TRIO: variants seen among roughly 807,000 people sequenced by gnomAD.
The protein encoded by TRIO is trio Rho guanine nucleotide exchange factor, also known as triple functional domain protein.
In TRIO, 58 loss-of-function variants were observed where a neutral mutation model predicts 351.9. That is an observed-to-expected ratio of 0.16 (90% CI 0.13 to 0.21). The LOEUF (loss-of-function observed/expected upper bound fraction) is 0.21. TRIO is among the 10% of genes least tolerant of loss of function. The probability of loss-of-function intolerance (pLI) is 1.00; values close to 1 mark genes in which losing one functional copy is unlikely to be tolerated. For synonymous variants in TRIO, 1,758 were observed against 1,595.7 expected (o/e 1.10, Z -2.42); for missense variants, 3,201 against 4,027.8 (o/e 0.79, Z 5.56).
rs1554036850 is a variant in TRIO at position 14,225,801 on chromosome 5, C to CCCG, written c.158-45022_158-45021insGCC. 8.4e-4 allele frequency among the ~76,000 whole-genome samples: 116 copies of CCCG among 137,972 alleles called. 1 individual carries two copies. Among genetic ancestry groups the CCCG allele is most frequent in the African/African-American group, 3.3e-3 (110 of 33,322 alleles). The allele number at this position is 137,972 out of a possible 152,430, so 90.5% of individuals were successfully genotyped here. A position where few individuals can be genotyped will look rare whatever the true frequency, so the allele number is the denominator to read the frequency against. ...CATATTCACTGCTCCCACCCCCCCC[C>CCCG]CCACCTCCAAGCCCAAAAGGATGAT... On this transcript the variant is annotated intron_variant, in intron 1 of 56. Coordinates refer to ENST00000344204, the MANE Select transcript of TRIO (RefSeq NM_007118.4).
chr5:14,313,640 T>C (rs1303963660), intron 8 of TRIO, among the ~76,000 whole-genome samples: 1 of 152,202 alleles, frequency 6.6e-6, no homozygotes, highest in East Asian at 1.9e-4. Context: ...GTAGCTCTAT[T>C]AGTAAGAGGA....
intron 1 of TRIO, among the ~76,000 whole-genome samples, chr5:14,231,479 A>T (rs533919933): frequency 1.3e-5 from 2 of 152,220 alleles, no homozygotes; most frequent in Admixed American, 6.5e-5. Context: ...CAGGCTGTCA[A>T]TGAAGAGAGA....
chr5:14,388,809 G>A (rs1278365894), intron 24 of TRIO, 130 bp downstream of exon 24: 2 of 1,071,660 alleles, frequency 1.9e-6, no homozygotes, highest in African/African-American at 1.6e-5. Context: ...TAAATGTAAA[G>A]TATGCTTCAG....
chr5:14,381,305 C>CAA, intron 21 of TRIO, 53 bp downstream of exon 21: 1 of 1,535,380 alleles, frequency 6.5e-7, no homozygotes, highest in Non-Finnish European at 8.7e-7. Flanking sequence ...AGCGAGTCTT[C>CAA]AAAAATATCA....
At chr5:14,323,733 A>G (rs947133873) in intron 9 of TRIO, among the ~76,000 whole-genome samples, 2 of 152,252 alleles carry the variant, frequency 1.3e-5, no homozygotes, top group African/African-American at 2.4e-5. Context: ...TTTCATGAGT[A>G]AAGTACGCCA....
intron 1 of TRIO, among the ~76,000 whole-genome samples, chr5:14,223,212 A>G (rs918432181): frequency 3.9e-5 from 6 of 152,218 alleles, no homozygotes; most frequent in Non-Finnish European, 7.4e-5. Flanking sequence ...TTTAAATTCT[A>G]TGATTCTATC....
At position 14,330,761 on chromosome 5, in the gene TRIO, C is replaced by T. The variant is rs977747464; in HGVS notation, c.1732-17C>T. The T allele has an allele frequency of 2.5e-6, 4 of 1,613,022 alleles. No individual in the cohort carries two copies. In the African/African-American group the frequency reaches 5.3e-5, roughly 22 times the overall value. On this transcript the variant is annotated splice_polypyrimidine_tract_variant and intron_variant, in intron 9 of 56. Transcript: ENST00000344204. ...GGACATTGTTTTTATGGCATATGTA[C>T]CTGTATTTCATTGTAGGTGCTAGAC...
chr5:14,434,698 G>A (rs1256327326), intron 34 of TRIO, among the ~76,000 whole-genome samples: 1 of 152,098 alleles, frequency 6.6e-6, no homozygotes, highest in Admixed American at 6.5e-5. Context: ...TCCTCTCTCT[G>A]GCTTAATAGT....
At chr5:14,338,754 G>C (rs1472553112) in intron 11 of TRIO, among the ~76,000 whole-genome samples, 1 of 152,178 alleles carries the variant, frequency 6.6e-6, no homozygotes. Context: ...CCATAAGGGA[G>C]AGGCAGGAAG....
chr5:14,280,205 G>A (rs1735877792), intron 2 of TRIO, 117 bp from the exon 3 acceptor site: 1 of 898,320 alleles, frequency 1.1e-6, no homozygotes, highest in African/African-American at 1.7e-5. Context: ...AAGGACTTCT[G>A]CCCTGTGCAA....
At chr5:14,332,221 A>C (rs1171180747) in intron 10 of TRIO, among the ~76,000 whole-genome samples, 3 of 152,212 alleles carry the variant, frequency 2.0e-5, no homozygotes, top group Admixed American at 1.3e-4. Flanking sequence ...ACCTGTCACA[A>C]AGTTATTATC....
At chr5:14,245,867 C>T (rs987065840) in intron 1 of TRIO, among the ~76,000 whole-genome samples, 6 of 152,174 alleles carry the variant, frequency 3.9e-5, no homozygotes, top group African/African-American at 7.2e-5. Context: ...AGGTGATGTC[C>T]GTTCCAGGTA....
rs1367298797 is a variant in TRIO at position 14,508,749 on chromosome 5, A to G, written c.*327A>G. On this transcript the variant is annotated 3_prime_UTR_variant, in exon 57 of 57. Transcript: ENST00000344204. ...TGCAAATTTAACGTTTTCAAGATTT[A>G]TTCAAGGAAACAAAATGCCTATGTT... 8.4e-6 allele frequency: 2 copies of G among 238,890 alleles called. No homozygotes were observed. Among genetic ancestry groups the G allele is most frequent in the African/African-American group, 4.6e-5 (2 of 43,846 alleles). The allele number at this position is 238,890 out of a possible 1,614,324, so 14.8% of individuals were successfully genotyped here.
In TRIO at chr5:14,266,436, T is replaced by C. The variant is rs112663828; in HGVS notation, c.158-4389T>C. ...CAAAACAGACATGTCCTCTGGCAAA[T>C]TGGCTGATCTAGAGAAAAAGAGGCA... is the stretch of plus-strand genomic sequence containing the variant. On this transcript the variant is annotated intron_variant, in intron 1 of 56. Coordinates refer to ENST00000344204, the MANE Select transcript of TRIO (RefSeq NM_007118.4). Among the ~76,000 whole-genome samples the C allele has an allele frequency of 4.3e-3, 660 of 152,266 alleles. 5 individuals are homozygous for C. The highest frequency in any genetic ancestry group is 0.015 in the African/African-American group (623 of 41,538).
chr5:14,498,621 G>C lies in TRIO; in HGVS notation c.8313G>C (p.Ser2771=). 6.2e-7 allele frequency: 1 copy of C among 1,613,906 alleles called. No individual in the cohort carries two copies. The highest frequency in any genetic ancestry group is 2.2e-5 in the East Asian group (1 of 44,874). The part of the protein sequence containing the change: ...AVNDMGSASS[S]ASLRVLGPGM... ...ATGACATGGGTTCAGCCTCATCGTC[G>C]GCCAGCCTGAGGGTCCTAGGTAAGC... is the stretch of plus-strand genomic sequence containing the variant. The change falls in exon 53 of 57, where the codon TCG becomes TCC. Residue 2771 remains serine (S), a synonymous_variant. Transcript: ENST00000344204.
intron 34 of TRIO, among the ~76,000 whole-genome samples, chr5:14,442,680 C>T (rs1338723737): frequency 6.6e-6 from 1 of 152,106 alleles, no homozygotes; most frequent in African/African-American, 2.4e-5. Flanking sequence ...TGGGTAGGTC[C>T]CTCGGGGACC....
chr5:14,213,106 C>T, intron 1 of TRIO, among the ~76,000 whole-genome samples: 1 of 152,104 alleles, frequency 6.6e-6, no homozygotes, highest in Admixed American at 6.5e-5. Flanking sequence ...TTACAAACAA[C>T]CTTGCAAACA....
intron 1 of TRIO, among the ~76,000 whole-genome samples, chr5:14,192,836 G>A (rs1790538071): frequency 1.3e-5 from 2 of 152,124 alleles, no homozygotes; most frequent in African/African-American, 4.8e-5. Context: ...CTTTAGTGTG[G>A]TGTCTGTTAA....
intron 12 of TRIO, 77 bp downstream of exon 12, chr5:14,358,424 G>A: frequency 6.5e-7 from 1 of 1,549,462 alleles, no homozygotes; most frequent in Non-Finnish European, 8.8e-7. Flanking sequence ...TTACTCTTGT[G>A]AGTGGTCAGC....
Sources: allele counts gnomAD v4.1 joint callset (sites outside exome capture counted in the v4.1 genomes callset), GRCh38; gene constraint gnomAD v4.1.1; transcripts MANE v1.5; gene names NCBI Gene and HGNC (gene_info 2026-07-23, HGNC 2026-07-21).